Variants in MYO10 observed in about 807,000 individuals in gnomAD.
MYO10 encodes unconventional myosin-X.
In MYO10, 133 loss-of-function variants were observed where a neutral mutation model predicts 257.3. That is an observed-to-expected ratio of 0.52 (90% CI 0.45 to 0.60). MYO10 has a LOEUF of 0.60. Ranked by LOEUF, MYO10 falls within the 20% of genes least tolerant of loss-of-function variation. The probability of loss-of-function intolerance (pLI) is 0.00; values close to 1 mark genes in which losing one functional copy is unlikely to be tolerated. For synonymous variants in MYO10, 1,104 were observed against 1,028.6 expected, an observed-to-expected ratio of 1.07 and a Z score of -1.40; for missense variants, 2,399 against 2,635.7, an observed-to-expected ratio of 0.91 and a Z score of 1.97.
At chr5:16,907,641 G>A (rs1745552944) in intron 1 of MYO10, among the ~76,000 whole-genome samples, 1 of 152,182 alleles carries the variant, frequency 6.6e-6, no homozygotes, top group Non-Finnish European at 1.5e-5. Flanking sequence ...TACATAAGGA[G>A]ACATATGCTT....
intron 1 of MYO10, among the ~76,000 whole-genome samples, chr5:16,905,426 T>C (rs1039917760): frequency 6.6e-6 from 1 of 152,118 alleles, no homozygotes; most frequent in Non-Finnish European, 1.5e-5. Context: ...GGGGGACAGC[T>C]GGAGGGAAGG....
At chr5:16,675,785 C>G (rs1211499523) in intron 34 of MYO10, among the ~76,000 whole-genome samples, 2 of 152,162 alleles carry the variant, frequency 1.3e-5, no homozygotes, top group East Asian at 3.9e-4. Flanking sequence ...ATGGGGAGAG[C>G]TGGCATTTTC....
intron 3 of MYO10, among the ~76,000 whole-genome samples, chr5:16,804,019 A>G (rs996944455): frequency 1.3e-5 from 2 of 152,148 alleles, no homozygotes; most frequent in Admixed American, 1.3e-4. Flanking sequence ...ACAATAAGAT[A>G]TTGTCCCTAC....
At chr5:16,710,697 G>A (rs1639071748) in intron 21 of MYO10, 2 of 579,808 alleles carry the variant, frequency 3.4e-6, no homozygotes, top group Middle Eastern at 4.6e-4. Flanking sequence ...GTTCTCTAAT[G>A]AAACAGAGTC....
intron 8 of MYO10, 123 bp downstream of exon 8, chr5:16,780,401 G>T: frequency 1.1e-6 from 1 of 908,524 alleles, no homozygotes; most frequent in Non-Finnish European, 1.7e-6. Flanking sequence ...TGTTCGCATA[G>T]TGTACATTTC....
intron 1 of MYO10, among the ~76,000 whole-genome samples, chr5:16,899,464 C>A (rs1039336590): frequency 6.6e-6 from 1 of 150,752 alleles, no homozygotes; most frequent in Non-Finnish European, 1.5e-5. Context: ...GTGAAACCCC[C>A]GTCTCTACTA....
chr5:16,819,599 C>G (rs955635904), intron 2 of MYO10, among the ~76,000 whole-genome samples: 1 of 152,110 alleles, frequency 6.6e-6, no homozygotes, highest in East Asian at 1.9e-4. Flanking sequence ...AAGTGCTCAG[C>G]CTTCAGACAC....
chr5:16,835,123 G>A (rs1357696324), intron 2 of MYO10, among the ~76,000 whole-genome samples: 1 of 152,178 alleles, frequency 6.6e-6, no homozygotes, highest in African/African-American at 2.4e-5. Flanking sequence ...GTTGCAGTAA[G>A]TCGAGATTGC....
chr5:16,726,682 G>T (rs1739378979), intron 19 of MYO10, among the ~76,000 whole-genome samples: 1 of 152,096 alleles, frequency 6.6e-6, no homozygotes, highest in Non-Finnish European at 1.5e-5. Flanking sequence ...TAACAATGGA[G>T]TATACTTCCT....
chr5:16,691,513 A>G (rs538545025), intron 27 of MYO10, among the ~76,000 whole-genome samples: 31 of 152,030 alleles, frequency 2.0e-4, no homozygotes, highest in Non-Finnish European at 4.1e-4. Flanking sequence ...AGCCTGGCCA[A>G]CATGGTGAAA....
At chr5:16,874,344 C>CGGGGGG (rs61697249) in intron 2 of MYO10, among the ~76,000 whole-genome samples, 9 of 28,468 alleles carry the variant, frequency 3.2e-4, no homozygotes, top group Admixed American at 6.3e-4. Context: ...AAAAAAAAAG[C>CGGGGGG]GGGGGGGGGG....
intron 1 of MYO10, among the ~76,000 whole-genome samples, chr5:16,889,884 A>C (rs1250868132): frequency 6.6e-6 from 1 of 151,772 alleles, no homozygotes; most frequent in African/African-American, 2.4e-5. Context: ...TCTTGATAAG[A>C]ATCATTTTTG....
In MYO10 at chr5:16,936,044, T is replaced by G; in HGVS notation, c.-236A>C. ...AGCCTTTGTCTCTTCTTCCTCCAAG[T>G]TCCTCACTACTGGGCGCAGCGCTCG... On this transcript the variant is annotated 5_prime_UTR_variant, in exon 1 of 41. Coordinates refer to ENST00000513610, the MANE Select transcript of MYO10 (RefSeq NM_012334.3). The G allele has an allele frequency of 1.7e-6, 1 of 571,590 alleles. No homozygotes were observed. Among genetic ancestry groups the G allele is most frequent in the African/African-American group, 1.9e-5 (1 of 52,332 alleles). 35.4% of individuals were successfully genotyped at this position (571,590 alleles called of 1,614,324 possible).
intron 9 of MYO10, among the ~76,000 whole-genome samples, chr5:16,774,195 G>A (rs1033770823): frequency 6.6e-6 from 1 of 152,086 alleles, no homozygotes; most frequent in Non-Finnish European, 1.5e-5. Context: ...TGTGTTGGGG[G>A]ATGGTGGCGA....
intron 10 of MYO10, among the ~76,000 whole-genome samples, chr5:16,766,570 T>C (rs370273100): frequency 6.6e-6 from 1 of 151,698 alleles, no homozygotes; most frequent in East Asian, 2.0e-4. Context: ...GCTGGGACTA[T>C]AGGCACCCGC....
At chr5:16,725,092 T>C (rs1237351187) in intron 19 of MYO10, among the ~76,000 whole-genome samples, 4 of 138,310 alleles carry the variant, frequency 2.9e-5, no homozygotes, top group African/African-American at 1.1e-4. Context: ...TTTTTTTTTT[T>C]TTTTTTTTTT....
At chr5:16,837,955 T>C (rs547691096) in intron 2 of MYO10, among the ~76,000 whole-genome samples, 5 of 152,194 alleles carry the variant, frequency 3.3e-5, no homozygotes, top group Non-Finnish European at 7.3e-5. Context: ...ATGCTCCTAT[T>C]GTAATTGTTT....
intron 1 of MYO10, among the ~76,000 whole-genome samples, chr5:16,931,151 A>T (rs998364214): frequency 6.6e-6 from 1 of 152,052 alleles, no homozygotes; most frequent in African/African-American, 2.4e-5. Context: ...CATGTTTGTA[A>T]TCCCAGCTAC....
chr5:16,737,418 CCCA>C (rs1268633629), intron 19 of MYO10, among the ~76,000 whole-genome samples: 2 of 152,126 alleles, frequency 1.3e-5, no homozygotes, highest in African/African-American at 4.8e-5. Context: ...TGATACTAAG[CCCA>C]CCACCACCAT....
Sources: allele counts gnomAD v4.1 joint callset (sites outside exome capture counted in the v4.1 genomes callset), GRCh38; gene constraint gnomAD v4.1.1; transcripts MANE v1.5; gene names NCBI Gene and HGNC (gene_info 2026-07-23, HGNC 2026-07-21).